RGS6: variants seen among roughly 807,000 people sequenced by gnomAD.
RGS6 encodes the protein regulator of G protein signaling 6, also known as regulator of G-protein signaling 6.
Under a neutral mutation model 78.5 loss-of-function variants are expected in RGS6, and 30 were observed. That is an observed-to-expected ratio of 0.38 (90% confidence interval 0.29 to 0.52). RGS6 has a LOEUF of 0.52. RGS6 is among the 20% of genes least tolerant of loss of function. The pLI, the probability that RGS6 is intolerant of heterozygous loss-of-function variation, is 0.85. For missense variants in RGS6, 495 were observed against 609.7 expected, an observed-to-expected ratio of 0.81 and a Z score of 1.98; for synonymous variants, 206 against 206.0, an observed-to-expected ratio of 1.00 and a Z score of 0.00.
chr14:72,521,004 C>A (rs999589482), intron 15 of RGS6, among the ~76,000 whole-genome samples: 2 of 152,188 alleles, frequency 1.3e-5, no homozygotes, highest in East Asian at 3.8e-4. Context: ...AAAATCTAGG[C>A]ACTTAGAGTG....
intron 17 of RGS6, among the ~76,000 whole-genome samples, chr14:72,546,976 G>A (rs1317656842): frequency 2.0e-5 from 3 of 152,154 alleles, no homozygotes; most frequent in East Asian, 3.9e-4. Flanking sequence ...GTGGGGTCTC[G>A]GCATGCTTGT....
At chr14:72,117,429 TC>T (rs983580849) in intron 2 of RGS6, among the ~76,000 whole-genome samples, 3 of 151,396 alleles carry the variant, frequency 2.0e-5, no homozygotes, top group Admixed American at 2.0e-4. Context: ...ATGCATTGGC[TC>T]CCCCCCACCC....
At chr14:72,399,852 G>T (rs1244712963) in intron 3 of RGS6, among the ~76,000 whole-genome samples, 1 of 152,148 alleles carries the variant, frequency 6.6e-6, no homozygotes, top group African/African-American at 2.4e-5. Flanking sequence ...AGAATAAAAA[G>T]AAACAAACAA....
In RGS6 at chr14:72,096,010, T is replaced by C. The variant is rs548581565; in HGVS notation, c.84+131135T>C. Among the ~76,000 whole-genome samples the C allele has an allele frequency of 2.0e-5, 3 of 152,342 alleles. No homozygotes were observed. In the South Asian group the frequency reaches 6.2e-4, roughly 32 times the overall value. On this transcript the variant is annotated intron_variant, in intron 2 of 17. Coordinates refer to ENST00000553525, the MANE Select transcript of RGS6 (RefSeq NM_001204424.2). ...AGGGCCGGGTGCAGTGGCTCACGCCTGTAATCCCAGCACTTTTGGAGGCCG... is the reference window on the plus strand; with the variant it reads ...AGGGCCGGGTGCAGTGGCTCACGCCCGTAATCCCAGCACTTTTGGAGGCCG...
chr14:71,990,603 C>G (rs1472637096), intron 2 of RGS6: 4 of 455,972 alleles, frequency 8.8e-6, no homozygotes, highest in East Asian at 6.9e-5. Context: ...TGGTTTTACC[C>G]CAATCTCTGC....
At chr14:72,287,002 T>C (rs1266971654) in intron 2 of RGS6, among the ~76,000 whole-genome samples, 1 of 152,222 alleles carries the variant, frequency 6.6e-6, no homozygotes, top group Middle Eastern at 3.2e-3. Flanking sequence ...CAGGCTGGTC[T>C]CAAACTCCTG....
chr14:72,229,752 G>A (rs1366406478), intron 2 of RGS6, among the ~76,000 whole-genome samples: 3 of 152,178 alleles, frequency 2.0e-5, no homozygotes, highest in African/African-American at 7.2e-5. Context: ...CGGAGATTCT[G>A]GGACTCAAAC....
intron 17 of RGS6, among the ~76,000 whole-genome samples, chr14:72,548,049 G>A (rs530218972): frequency 3.3e-5 from 5 of 152,240 alleles, no homozygotes; most frequent in African/African-American, 1.2e-4. Flanking sequence ...TGTAGGTGAA[G>A]TGAGTATATT....
At chr14:72,400,344 C>G (rs2092228434) in intron 3 of RGS6, among the ~76,000 whole-genome samples, 1 of 152,194 alleles carries the variant, frequency 6.6e-6, no homozygotes, top group African/African-American at 2.4e-5. Context: ...TAATGGTTCA[C>G]TTTTATATAG....
At chr14:72,272,530 G>C (rs929440226) in intron 2 of RGS6, among the ~76,000 whole-genome samples, 3 of 152,164 alleles carry the variant, frequency 2.0e-5, no homozygotes, top group Non-Finnish European at 2.9e-5. Context: ...ACTGGAAATG[G>C]AGAGAGGCTA....
chr14:72,574,170 C>G, the RGS6 span, among the ~76,000 whole-genome samples: 20 of 152,282 alleles, frequency 1.3e-4, no homozygotes, highest in Admixed American at 3.9e-4. Context: ...CACTCCTAAG[C>G]CTTTAGCACT....
chr14:72,520,933 G>A (rs138373002), intron 15 of RGS6, among the ~76,000 whole-genome samples: 9 of 152,188 alleles, frequency 5.9e-5, no homozygotes, highest in African/African-American at 1.9e-4. Context: ...CCCTTACCCA[G>A]AATAAGCTGT....
intron 3 of RGS6, chr14:72,420,941 C>T (rs1566802234): frequency 1.3e-5 from 2 of 152,180 alleles, no homozygotes; most frequent in Admixed American, 6.5e-5. Flanking sequence ...GGCGCCCCTT[C>T]GTGGTGATAA....
chr14:72,317,627 T>G (rs1274387514), intron 2 of RGS6, among the ~76,000 whole-genome samples: 1 of 152,140 alleles, frequency 6.6e-6, no homozygotes, highest in Non-Finnish European at 1.5e-5. Context: ...TCCTGTGTTG[T>G]GTTGATTTGT....
the RGS6 span, among the ~76,000 whole-genome samples, chr14:72,609,793 G>T: frequency 6.6e-6 from 1 of 151,858 alleles, no homozygotes; most frequent in Non-Finnish European, 1.5e-5. Context: ...TGGAGATATT[G>T]TCTCAAGACC....
At chr14:72,276,402 T>A (rs1345700623) in intron 2 of RGS6, among the ~76,000 whole-genome samples, 3 of 152,172 alleles carry the variant, frequency 2.0e-5, no homozygotes, top group African/African-American at 7.2e-5. Context: ...TTGCAGAATA[T>A]ACATGCAGCA....
intron 3 of RGS6, among the ~76,000 whole-genome samples, chr14:72,395,727 C>A (rs1224422129): frequency 6.6e-6 from 1 of 151,984 alleles, no homozygotes; most frequent in Non-Finnish European, 1.5e-5. Context: ...GTTCCCCGTC[C>A]TGTGTCCATG....
intron 2 of RGS6, among the ~76,000 whole-genome samples, chr14:72,299,489 T>C (rs2065593681): frequency 6.6e-6 from 1 of 152,246 alleles, no homozygotes; most frequent in South Asian, 2.1e-4. Flanking sequence ...CTCTTGGGAA[T>C]ATACCTAGGG....
At chr14:72,270,124 A>G (rs1176353188) in intron 2 of RGS6, among the ~76,000 whole-genome samples, 1 of 152,216 alleles carries the variant, frequency 6.6e-6, no homozygotes, top group African/African-American at 2.4e-5. Context: ...AGGTGCTAGT[A>G]GAGGAGACCT....
Sources: allele counts gnomAD v4.1 joint callset (sites outside exome capture counted in the v4.1 genomes callset), GRCh38; gene constraint gnomAD v4.1.1; transcripts MANE v1.5; gene names NCBI Gene and HGNC (gene_info 2026-07-23, HGNC 2026-07-21).